Variants in CEP152 observed in about 807,000 individuals in gnomAD.
CEP152 encodes the protein centrosomal protein 152.
Under a neutral mutation model 188.9 loss-of-function variants are expected in CEP152, and 132 were observed. The ratio of observed to expected loss-of-function variants is 0.70; its 90% CI spans 0.61 to 0.81. The LOEUF (loss-of-function observed/expected upper bound fraction) is 0.81, where lower values mean the gene tolerates loss of function less well. CEP152 is among the 30% of genes least tolerant of loss of function. The probability of loss-of-function intolerance (pLI) is 0.00; values close to 1 mark genes in which losing one functional copy is unlikely to be tolerated. For synonymous variants in CEP152, 649 were observed against 666.6 expected (o/e 0.97, Z 0.41); for missense variants, 1,914 against 1,969.8 (o/e 0.97, Z 0.54).
chr15:48,786,194 C>T (rs1017226952), intron 9 of CEP152, among the ~76,000 whole-genome samples: 7 of 152,028 alleles, frequency 4.6e-5, no homozygotes, highest in African/African-American at 1.4e-4. Flanking sequence ...AATATACCAA[C>T]AAGGAGATAA....
At chr15:48,746,091 A>G (rs1047927771) in intron 22 of CEP152, among the ~76,000 whole-genome samples, 3 of 152,188 alleles carry the variant, frequency 2.0e-5, no homozygotes, top group African/African-American at 7.2e-5. Context: ...CGCTACCAAG[A>G]AAGTGGAAAA....
intron 10 of CEP152, among the ~76,000 whole-genome samples, chr15:48,782,889 A>C (rs981150262): frequency 5.3e-5 from 8 of 152,232 alleles, no homozygotes; most frequent in African/African-American, 1.9e-4. Flanking sequence ...AGGCTCACCA[A>C]GTAATGCCAA....
intron 17 of CEP152, among the ~76,000 whole-genome samples, chr15:48,763,951 G>A (rs1358232601): frequency 1.3e-5 from 2 of 152,072 alleles, no homozygotes; most frequent in African/African-American, 2.4e-5. Flanking sequence ...TCAGATCATG[G>A]TTTCATTTTG....
downstream of CEP152, among the ~76,000 whole-genome samples, chr15:48,733,065 CAG>C (rs1174649871): frequency 1.3e-5 from 2 of 152,064 alleles, no homozygotes; most frequent in Non-Finnish European, 2.9e-5. Flanking sequence ...GCCTGGGAGA[CAG>C]AGTGATATAC....
chr15:48,729,811 A>G (rs1892361969), intron 2 of CEP152: 1 of 152,122 alleles, frequency 6.6e-6, no homozygotes, highest in Non-Finnish European at 1.5e-5. Context: ...AACAATTGGT[A>G]AATCTAAATG....
At position 48,782,967 on chromosome 15, in the gene CEP152, C is replaced by T. The variant is rs62009407; in HGVS notation, c.1322-737G>A. On this transcript the variant is annotated intron_variant, in intron 10 of 26. Transcript: ENST00000380950. ...ATAAAGCATAATCCAAATTTTGCCC[C>T]CTATCAAGACATATATACACATACA... Among the ~76,000 whole-genome samples the T allele has an allele frequency of 4.5e-3, 691 of 152,240 alleles. 3 individuals are homozygous for T. The highest frequency in any genetic ancestry group is 8.5e-3 in the Non-Finnish European group (577 of 68,010).
chr15:48,797,584 T>C lies in CEP152; in HGVS notation c.262-5A>G, dbSNP rs1444920671. 3.7e-6 allele frequency: 6 copies of C among 1,613,922 alleles called. No individual in the cohort carries two copies. The highest frequency in any genetic ancestry group is 4.2e-6 in the Non-Finnish European group (5 of 1,180,004). ...ACTCTGAATTTCATTATAGCCCTAT[T>C]AGATAACAAGAGTAAAACAAAAGCA... On this transcript the variant is annotated splice_polypyrimidine_tract_variant and splice_region_variant and intron_variant, in intron 4 of 26. Transcript: ENST00000380950.
chr15:48,788,427 G>A (rs747192204), intron 9 of CEP152, among the ~76,000 whole-genome samples: 3 of 150,542 alleles, frequency 2.0e-5, no homozygotes, highest in East Asian at 2.0e-4. Context: ...TCTGCCTCCC[G>A]GGTTCAAGCA....
chr15:48,738,782 T>C lies in CEP152; in HGVS notation c.4600A>G (p.Lys1534Glu). The change falls in exon 27 of 27, where the codon AAA (lysine) becomes GAA (glutamate). Residue 1534 changes from lysine to glutamate, a missense_variant. Lys to Glu is a moderately conservative substitution (Grantham distance 56). Coordinates refer to ENST00000380950, the MANE Select transcript of CEP152 (RefSeq NM_001194998.2). The stretch of plus-strand genomic sequence containing the variant: ...ATTAGTGGATTGCATTTATATACTT[T>C]TAAACCAAGTCTTTCATTAGAATCG... The part of the protein sequence containing the change: ...FRDSNERLGL[K>E]VYKCNPLMES... 6.2e-7 allele frequency: 1 copy of C among 1,614,208 alleles called. No individual in the cohort carries two copies. Among genetic ancestry groups the C allele is most frequent in the South Asian group, 1.1e-5 (1 of 91,078 alleles).
At position 48,767,538 on chromosome 15, in the gene CEP152, C is replaced by CT. The variant is rs1895219481; in HGVS notation, c.2019-76dup. The CT allele has an allele frequency of 1.9e-6, 3 of 1,589,086 alleles. No homozygotes were observed. The Admixed American group carries it at 5.0e-5, about 27-fold the overall frequency. Reference sequence around the variant, plus strand: ...CAAAATGAATTGGTTTCCTTCCTTCCTCCTCACCTCTTCCCTCTAATGCAA... The same window carrying CT: ...CAAAATGAATTGGTTTCCTTCCTTCCTTCCTCACCTCTTCCCTCTAATGCAA... On this transcript the variant is annotated intron_variant, in intron 15 of 26. Transcript: ENST00000380950.
At chr15:48,786,186 T>C (rs986312213) in intron 9 of CEP152, among the ~76,000 whole-genome samples, 1 of 152,210 alleles carries the variant, frequency 6.6e-6, no homozygotes, top group African/African-American at 2.4e-5. Flanking sequence ...AAAAAAGTAA[T>C]ATACCAACAA....
chr15:48,807,244 T>G (rs1898037878), intron 1 of CEP152, among the ~76,000 whole-genome samples: 1 of 152,200 alleles, frequency 6.6e-6, no homozygotes. Context: ...AATCCTTTTG[T>G]ATGTCAACAT....
chr15:48,765,961 T>A (rs1035503566), intron 17 of CEP152, among the ~76,000 whole-genome samples: 3 of 151,570 alleles, frequency 2.0e-5, no homozygotes, highest in African/African-American at 7.3e-5. Context: ...CGCCAATTTT[T>A]ATACATATAA....
At chr15:48,747,426 T>C (rs768879650) in intron 22 of CEP152, among the ~76,000 whole-genome samples, 1 of 152,086 alleles carries the variant, frequency 6.6e-6, no homozygotes, top group Non-Finnish European at 1.5e-5. Context: ...CTTGGAGAAT[T>C]TGGAGAAGGT....
intron 26 of CEP152, among the ~76,000 whole-genome samples, chr15:48,740,161 T>C (rs559704149): frequency 1.3e-5 from 2 of 152,350 alleles, no homozygotes; most frequent in South Asian, 4.1e-4. Flanking sequence ...TAAAGCTGTA[T>C]GATCTACAGA....
At chr15:48,740,301 C>T (rs1215303888) in intron 26 of CEP152, among the ~76,000 whole-genome samples, 1 of 152,116 alleles carries the variant, frequency 6.6e-6, no homozygotes, top group Non-Finnish European at 1.5e-5. Context: ...AATATCAACA[C>T]TGCATTTGCT....
intron 22 of CEP152, among the ~76,000 whole-genome samples, chr15:48,748,200 C>G (rs1347156755): frequency 6.6e-6 from 1 of 152,098 alleles, no homozygotes; most frequent in African/African-American, 2.4e-5. Context: ...TTGACGTATA[C>G]TGGGCCCTCA....
chr15:48,780,277 G>T (rs74012148), intron 12 of CEP152, among the ~76,000 whole-genome samples: 11 of 152,056 alleles, frequency 7.2e-5, no homozygotes, highest in Non-Finnish European at 1.6e-4. Flanking sequence ...CTAGATAAAT[G>T]GAGCCTTACT....
At chr15:48,796,287 TATACACACACACACACACACAC>T in intron 5 of CEP152, 127 bp from the exon 6 acceptor site, 1 of 692,254 alleles carries the variant, frequency 1.4e-6, no homozygotes, top group Non-Finnish European at 2.5e-6. Context: ...TGTTTATATA[TATACACACACACACACACACAC>T]ACACACACAC....
Sources: gnomAD v4.1 joint callset for allele counts (sites outside exome capture counted in the v4.1 genomes callset) on GRCh38, gnomAD v4.1.1 for gene constraint, MANE v1.5 for transcripts, NCBI Gene and HGNC (gene_info 2026-07-23, HGNC 2026-07-21) for gene names.